Variants in ZNF483 observed in about 807,000 individuals in gnomAD.
ZNF483 encodes zinc finger protein HIT-10.
In ZNF483, 9 loss-of-function variants were observed where a neutral mutation model predicts 28.6. That is an observed-to-expected ratio of 0.32 (90% CI 0.19 to 0.55). The LOEUF is 0.55. Among genes scored for constraint, ZNF483 ranks in the 20% least tolerant of loss-of-function variants. ZNF483 has a pLI of 0.93. For missense variants in ZNF483, 675 were observed against 871.7 expected, an observed-to-expected ratio of 0.77 and a Z score of 2.84; for synonymous variants, 322 against 306.2, an observed-to-expected ratio of 1.05 and a Z score of -0.54.
In ZNF483 at chr9:111,553,027, C is replaced by T. The variant is rs758910154; in HGVS notation, c.*9857C>T. Among the ~76,000 whole-genome samples, 5 of 152,260 alleles carry T rather than the reference C, an allele frequency of 3.3e-5. No homozygotes were observed. The highest frequency in any genetic ancestry group is 5.9e-5 in the Non-Finnish European group (4 of 68,008). On this transcript the variant is annotated 3_prime_UTR_variant, in exon 6 of 6. Coordinates refer to ENST00000309235, the MANE Select transcript of ZNF483 (RefSeq NM_133464.5). ...AGCTTGCCAGGTTTACAAACTCAGACCCTTTTAAAAGTTGTTTAAATTGTT... is the reference window on the plus strand; with the variant it reads ...AGCTTGCCAGGTTTACAAACTCAGATCCTTTTAAAAGTTGTTTAAATTGTT...
At chr9:111,541,551 C>T (rs950273204) in intron 5 of ZNF483, 106 bp from the exon 6 acceptor site, 4 of 851,738 alleles carry the variant, frequency 4.7e-6, no homozygotes, top group Admixed American at 3.4e-5. Context: ...TGAGAACCAT[C>T]GAAACTATAT....
Position 111,549,162 on chromosome 9 carries a change from TGA to T in ZNF483, c.*5994_*5995del, listed in dbSNP as rs1589279925. On this transcript the variant is annotated 3_prime_UTR_variant, in exon 6 of 6. Coordinates refer to ENST00000309235, the MANE Select transcript of ZNF483 (RefSeq NM_133464.5). ...AGTCACTGGAGGTTCTCTGTGTGTG[TGA>T]GTGTATAAATAAAGATTTAATTTTG... Among the ~76,000 whole-genome samples, 2 of 152,342 alleles carry T rather than the reference TGA, an allele frequency of 1.3e-5. No homozygotes were observed. Among genetic ancestry groups the T allele is most frequent in the Admixed American group, 6.5e-5 (1 of 15,306 alleles).
At position 111,544,328 on chromosome 9, in the gene ZNF483, A is replaced by G. The variant is rs181065297; in HGVS notation, c.*1158A>G. The G allele has an allele frequency of 1.3e-4, 129 of 982,044 alleles. No individual in the cohort carries two copies. Among genetic ancestry groups the G allele is most frequent in the Non-Finnish European group, 1.4e-4 (119 of 829,650 alleles). 60.8% of individuals were successfully genotyped at this position (982,044 alleles called of 1,614,324 possible). On this transcript the variant is annotated 3_prime_UTR_variant, in exon 6 of 6. Transcript: ENST00000309235. Reference sequence around the variant, plus strand: ...GCAACAGTTAAAAGCTGTTATAACAATTTGCTTGGGTGTGTGTGCATGTGT... The same window carrying G: ...GCAACAGTTAAAAGCTGTTATAACAGTTTGCTTGGGTGTGTGTGCATGTGT...
intron 1 of ZNF483, among the ~76,000 whole-genome samples, chr9:111,526,067 TTA>T (rs1827178840): frequency 6.6e-6 from 1 of 152,092 alleles, no homozygotes; most frequent in African/African-American, 2.4e-5. Context: ...GCTCCGTCAC[TTA>T]TAGAATGAAT....
chr9:111,531,034 TATAAAA>T (rs1350491246), intron 3 of ZNF483, 71 bp downstream of exon 3: 1 of 718,430 alleles, frequency 1.4e-6, no homozygotes, highest in Non-Finnish European at 2.1e-6. Context: ...GGTATAAAGA[TATAAAA>T]ATAAAAGGCT....
At position 111,544,212 on chromosome 9, in the gene ZNF483, A is replaced by G; in HGVS notation, c.*1042A>G. The G allele has an allele frequency of 2.0e-6, 2 of 985,388 alleles. No homozygotes were observed. Among genetic ancestry groups the G allele is most frequent in the Non-Finnish European group, 2.4e-6 (2 of 829,920 alleles). The allele number at this position is 985,388 out of a possible 1,614,324, so 61.0% of individuals were successfully genotyped here. ...TGTGCTGAAGACAGAGCTATTCTGG[A>G]TGGATTTTGGTTTGCAAAAATTCTA... On this transcript the variant is annotated 3_prime_UTR_variant, in exon 6 of 6. Coordinates refer to ENST00000309235, the MANE Select transcript of ZNF483 (RefSeq NM_133464.5).
downstream of ZNF483, among the ~76,000 whole-genome samples, chr9:111,555,879 A>C (rs181479949): frequency 3.3e-5 from 5 of 152,192 alleles, no homozygotes; most frequent in Admixed American, 3.3e-4. Context: ...CGCAAATCTC[A>C]TGTCCTTTCT....
At position 111,549,582 on chromosome 9, in the gene ZNF483, G is replaced by A. The variant is rs1316613398; in HGVS notation, c.*6412G>A. The A allele has an allele frequency of 1.5e-6, 1 of 673,278 alleles. No homozygotes were observed. Among genetic ancestry groups the A allele is most frequent in the Non-Finnish European group, 2.5e-6 (1 of 404,220 alleles). The allele number at this position is 673,278 out of a possible 1,614,324, so 41.7% of individuals were successfully genotyped here. On this transcript the variant is annotated 3_prime_UTR_variant, in exon 6 of 6. Coordinates refer to ENST00000309235, the MANE Select transcript of ZNF483 (RefSeq NM_133464.5). The stretch of plus-strand genomic sequence containing the variant: ...TCTCCCTTGTAGATTATCAGAGTGG[G>A]TCGATAATCTACAAGCTTTGCTAAA...
chr9:111,572,064 G>T (rs767479623), intron 5 of ZNF483, among the ~76,000 whole-genome samples: 5 of 152,200 alleles, frequency 3.3e-5, no homozygotes, highest in Non-Finnish European at 7.3e-5. Context: ...AAGATGCCTG[G>T]TGTGCTAAGA....
chr9:111,549,736 A>G lies in ZNF483; in HGVS notation c.*6566A>G, dbSNP rs1393170426. On this transcript the variant is annotated 3_prime_UTR_variant, in exon 6 of 6. Transcript: ENST00000309235. ...CCCTTGCCTTCTAAGGTAATGGTGA[A>G]TGATACATATTCCCTTCATTTTTCT... is the stretch of plus-strand genomic sequence containing the variant. 1.9e-6 allele frequency: 3 copies of G among 1,550,106 alleles called. No homozygotes were observed. Among genetic ancestry groups the G allele is most frequent in the Admixed American group, 4.0e-5 (2 of 50,584 alleles).
intron 5 of ZNF483, among the ~76,000 whole-genome samples, chr9:111,535,165 A>G (rs1299633782): frequency 1.3e-5 from 2 of 152,188 alleles, no homozygotes; most frequent in Non-Finnish European, 2.9e-5. Flanking sequence ...ACTCGTGGGA[A>G]TTTGTGTGAA....
At chr9:111,559,498 GC>G (rs1193310869), downstream of ZNF483, among the ~76,000 whole-genome samples, 1 of 151,928 alleles carries the variant, frequency 6.6e-6, no homozygotes, top group Admixed American at 6.6e-5. Context: ...TATGACTCAA[GC>G]CATGTTCATT....
chr9:111,542,624 C>T lies in ZNF483; in HGVS notation c.1689C>T (p.Ser563=). 2 of 1,613,920 alleles carry T rather than the reference C, an allele frequency of 1.2e-6. No individual in the cohort carries two copies. The highest frequency in any genetic ancestry group is 1.1e-5 in the South Asian group (1 of 91,064). The stretch of plus-strand genomic sequence containing the variant: ...ATTGTGGAAAATCCTTCAGTCATAG[C>T]TCATCCCTTTCCAAACATCAGAGAA... ...CSNCGKSFSH[S]SSLSKHQRIH... is the part of the protein sequence containing the mutation. The change falls in exon 6 of 6, where the codon AGC becomes AGT. Residue 563 remains serine (S), a synonymous_variant. Coordinates refer to ENST00000309235, the MANE Select transcript of ZNF483 (RefSeq NM_133464.5). The surrounding 1 kb of genome is among the most constrained non-coding windows in gnomAD (Gnocchi z 6.2).
Position 111,551,202 on chromosome 9 carries a change from G to GT in ZNF483, c.*8038dup, listed in dbSNP as rs1827932273. On this transcript the variant is annotated 3_prime_UTR_variant, in exon 6 of 6. Coordinates refer to ENST00000309235, the MANE Select transcript of ZNF483 (RefSeq NM_133464.5). ...ATGTAAAAAAGTATTGAGACATTTTGTTTTTTGCACTATTTTTGAAATCTG... is the reference window on the plus strand; with the variant it reads ...ATGTAAAAAAGTATTGAGACATTTTGTTTTTTTGCACTATTTTTGAAATCTG... Among the ~76,000 whole-genome samples the GT allele has an allele frequency of 2.0e-5, 3 of 151,842 alleles. No homozygotes were observed. The highest frequency in any genetic ancestry group is 1.3e-4 in the Admixed American group (2 of 15,238).
chr9:111,527,234 A>G (rs930776833), intron 1 of ZNF483, 34 bp from the exon 2 acceptor site: 16 of 676,410 alleles, frequency 2.4e-5, no homozygotes, highest in Non-Finnish European at 3.7e-5. Flanking sequence ...CAGTTTTTTT[A>G]CTTATTTAAT....
chr9:111,557,532 G>A (rs1385023325), downstream of ZNF483, among the ~76,000 whole-genome samples: 3 of 151,554 alleles, frequency 2.0e-5, no homozygotes, highest in Non-Finnish European at 4.4e-5. Flanking sequence ...TGCAACCTCC[G>A]CCTCCCGGGT....
At position 111,544,253 on chromosome 9, in the gene ZNF483, G is replaced by T. The variant is rs568983615; in HGVS notation, c.*1083G>T. On this transcript the variant is annotated 3_prime_UTR_variant, in exon 6 of 6. Coordinates refer to ENST00000309235, the MANE Select transcript of ZNF483 (RefSeq NM_133464.5). ...AAAAATTCTACTTTAAAACAATTTT[G>T]CCTGTAGCAAGTACATTTTTTTGCA... 3.0e-6 allele frequency: 3 copies of T among 985,186 alleles called. No homozygotes were observed. The highest frequency in any genetic ancestry group is 3.6e-6 in the Non-Finnish European group (3 of 829,916). The allele number at this position is 985,186 out of a possible 1,614,324, so 61.0% of individuals were successfully genotyped here.
At chr9:111,539,029 C>T (rs1040038767) in intron 5 of ZNF483, among the ~76,000 whole-genome samples, 13 of 140,620 alleles carry the variant, frequency 9.2e-5, no homozygotes, top group Admixed American at 7.7e-4. Context: ...AGGAGAATGG[C>T]GTGAACCCGG....
At position 111,550,660 on chromosome 9, in the gene ZNF483, A is replaced by C. The variant is rs1223935688; in HGVS notation, c.*7490A>C. 6.6e-6 allele frequency among the ~76,000 whole-genome samples: 1 copy of C among 152,178 alleles called. No homozygotes were observed. The highest frequency in any genetic ancestry group is 1.5e-5 in the Non-Finnish European group (1 of 68,024). On this transcript the variant is annotated 3_prime_UTR_variant, in exon 6 of 6. Coordinates refer to ENST00000309235, the MANE Select transcript of ZNF483 (RefSeq NM_133464.5). ...GAGAGGTGGATTCCTGGGCCACTCTATCCATGTCTTTGATTTTTCCTGCTT... is the reference window on the plus strand; with the variant it reads ...GAGAGGTGGATTCCTGGGCCACTCTCTCCATGTCTTTGATTTTTCCTGCTT...
Sources: gnomAD v4.1 joint callset for allele counts (sites outside exome capture counted in the v4.1 genomes callset) on GRCh38, gnomAD v4.1.1 for gene constraint, Gnocchi (gnomAD v3.1) non-coding constraint, MANE v1.5 for transcripts, NCBI Gene and HGNC (gene_info 2026-07-23, HGNC 2026-07-21) for gene names.